COL23A1: variants seen among roughly 807,000 people sequenced by gnomAD.
COL23A1 encodes the protein collagen type XXIII alpha 1 chain, also known as collagen alpha-1(XXIII) chain.
In COL23A1, 97 loss-of-function variants were observed where a neutral mutation model predicts 99.3. The observed-to-expected ratio is 0.98, with a 90% CI of 0.83 to 1.16. The LOEUF (loss-of-function observed/expected upper bound fraction) is 1.16. Among genes scored for constraint, COL23A1 ranks in the 50% most tolerant of loss-of-function variants. COL23A1 has a pLI of 0.00. For missense variants in COL23A1, 762 were observed against 757.4 expected, an observed-to-expected ratio of 1.01 and a Z score of -0.07; for synonymous variants, 320 against 308.2, an observed-to-expected ratio of 1.04 and a Z score of -0.40.
chr5:178,534,088 G>C (rs1381871517), intron 2 of COL23A1, among the ~76,000 whole-genome samples: 1 of 152,108 alleles, frequency 6.6e-6, no homozygotes, highest in Non-Finnish European at 1.5e-5. Context: ...GCATGCCTTA[G>C]GCCACTGGGG....
chr5:178,458,637 C>CAA (rs57875318), intron 2 of COL23A1, among the ~76,000 whole-genome samples: 1 of 145,406 alleles, frequency 6.9e-6, no homozygotes, highest in Non-Finnish European at 1.5e-5. Context: ...ACTCTGTCTC[C>CAA]AAAAAAAAAA....
At chr5:178,316,113 A>G (rs1758969194) in intron 2 of COL23A1, among the ~76,000 whole-genome samples, 1 of 152,156 alleles carries the variant, frequency 6.6e-6, no homozygotes, top group Admixed American at 6.5e-5. Context: ...TTAGAATCCA[A>G]CTGGTCTTCA....
chr5:178,333,109 C>T (rs1354551684), intron 2 of COL23A1, among the ~76,000 whole-genome samples: 1 of 152,162 alleles, frequency 6.6e-6, no homozygotes, highest in African/African-American at 2.4e-5. Flanking sequence ...AGGCGCCTGC[C>T]ACCGTGCCCA....
intron 1 of COL23A1, among the ~76,000 whole-genome samples, chr5:178,574,134 C>T (rs991355130): frequency 6.6e-6 from 1 of 152,140 alleles, no homozygotes. Flanking sequence ...GCTGGGATTC[C>T]AGGCATGAGC....
At chr5:178,259,618 C>A in intron 12 of COL23A1, 103 bp downstream of exon 12, 1 of 1,155,902 alleles carries the variant, frequency 8.7e-7, no homozygotes, top group South Asian at 1.7e-5. Flanking sequence ...GGCTCCCAGC[C>A]CATCCCGTCC....
At chr5:178,362,733 G>C (rs966925064) in intron 2 of COL23A1, among the ~76,000 whole-genome samples, 1 of 152,172 alleles carries the variant, frequency 6.6e-6, no homozygotes, top group African/African-American at 2.4e-5. Context: ...AAGGAGTAAG[G>C]CTAGAACTTT....
intron 2 of COL23A1, among the ~76,000 whole-genome samples, chr5:178,495,207 A>T (rs1758136003): frequency 6.6e-6 from 1 of 152,226 alleles, no homozygotes; most frequent in Admixed American, 6.5e-5. Context: ...GCCCATCAGC[A>T]GCAGGGCTCC....
At chr5:178,288,385 T>A in intron 4 of COL23A1, 35 bp from the exon 5 acceptor site, 1 of 1,594,824 alleles carries the variant, frequency 6.3e-7, no homozygotes, top group Non-Finnish European at 8.6e-7. Context: ...TAATCAGAGT[T>A]TCGGCAGAAA....
chr5:178,284,631 G>A (rs1014443837), intron 5 of COL23A1, among the ~76,000 whole-genome samples: 1 of 152,040 alleles, frequency 6.6e-6, no homozygotes, highest in African/African-American at 2.4e-5. Flanking sequence ...GACTGTAAGG[G>A]TGAAAAATTG....
At chr5:178,582,036 A>G (rs1562111025) in intron 1 of COL23A1, among the ~76,000 whole-genome samples, 1 of 151,924 alleles carries the variant, frequency 6.6e-6, no homozygotes, top group East Asian at 1.9e-4. Flanking sequence ...GTTATTTAAA[A>G]AAGAAAAAAG....
chr5:178,289,191 C>A (rs1329948052), intron 4 of COL23A1, among the ~76,000 whole-genome samples: 1 of 151,972 alleles, frequency 6.6e-6, no homozygotes, highest in African/African-American at 2.4e-5. Flanking sequence ...GGAAACCAAT[C>A]ATGGTACACG....
At chr5:178,358,670 A>AGT (rs1554145716) in intron 2 of COL23A1, among the ~76,000 whole-genome samples, 2 of 50,678 alleles carry the variant, frequency 3.9e-5, no homozygotes, top group Non-Finnish European at 7.4e-5. Flanking sequence ...GTATGTGTCT[A>AGT]ATGTGTATGT....
In COL23A1 at chr5:178,583,756, T is replaced by C. The variant is rs192736462; in HGVS notation, c.294+6148A>G. On this transcript the variant is annotated intron_variant, in intron 1 of 28. Coordinates refer to ENST00000390654, the MANE Select transcript of COL23A1 (RefSeq NM_173465.4). ...AGAGTGAGGGCATCCTTGAGAAATA[T>C]GGAGCCAAGAGGAAGAAACAAAATC... Among the ~76,000 whole-genome samples the C allele has an allele frequency of 6.5e-3, 993 of 152,264 alleles. 6 individuals carry two copies. The highest frequency in any genetic ancestry group is 0.011 in the Non-Finnish European group (747 of 68,008).
At chr5:178,245,174 C>T (rs904260541) in intron 25 of COL23A1, among the ~76,000 whole-genome samples, 5 of 151,224 alleles carry the variant, frequency 3.3e-5, no homozygotes, top group African/African-American at 1.2e-4. Flanking sequence ...TCCCTCCATC[C>T]CTCCACTGCC....
chr5:178,585,288 C>A lies in COL23A1; in HGVS notation c.294+4616G>T, dbSNP rs892908211. ...AAACATTCCATGGCCCCAGCAGACA[C>A]TGGGGTAACACTCCACGGCTGACCC... On this transcript the variant is annotated intron_variant, in intron 1 of 28. Coordinates refer to ENST00000390654, the MANE Select transcript of COL23A1 (RefSeq NM_173465.4). 5.3e-5 allele frequency among the ~76,000 whole-genome samples: 8 copies of A among 152,182 alleles called. No individual in the cohort carries two copies. In the South Asian group the frequency reaches 8.3e-4, roughly 16 times the overall value.
At chr5:178,354,017 T>A (rs1422316878) in intron 2 of COL23A1, among the ~76,000 whole-genome samples, 1 of 151,798 alleles carries the variant, frequency 6.6e-6, no homozygotes, top group Non-Finnish European at 1.5e-5. Context: ...TTTGTTTGCA[T>A]GAGCCTAAAA....
At chr5:178,530,170 G>A (rs920108185) in intron 2 of COL23A1, among the ~76,000 whole-genome samples, 1 of 152,184 alleles carries the variant, frequency 6.6e-6, no homozygotes, top group Admixed American at 6.5e-5. Context: ...CCATCAAAAG[G>A]CAGAGTGTGG....
chr5:178,572,733 A>G (rs1008419493), intron 1 of COL23A1, among the ~76,000 whole-genome samples: 1 of 152,270 alleles, frequency 6.6e-6, no homozygotes, highest in Non-Finnish European at 1.5e-5. Flanking sequence ...GTGAATACCC[A>G]TAGCAGCTTT....
At chr5:178,554,338 C>G (rs1422455618) in intron 2 of COL23A1, among the ~76,000 whole-genome samples, 3 of 152,120 alleles carry the variant, frequency 2.0e-5, no homozygotes, top group African/African-American at 7.2e-5. Context: ...GCCACTATGC[C>G]CAGCTAATTT....
Sources: gnomAD v4.1 joint callset for allele counts (sites outside exome capture counted in the v4.1 genomes callset) on GRCh38, gnomAD v4.1.1 for gene constraint, MANE v1.5 for transcripts, NCBI Gene and HGNC (gene_info 2026-07-23, HGNC 2026-07-21) for gene names.